Variants in SYNJ1 observed in about 807,000 individuals in gnomAD.
SYNJ1 encodes polyphosphatidylinositol phosphatase SYNJ1.
Under a neutral mutation model 168.2 loss-of-function variants are expected in SYNJ1, and 78 were observed. The observed-to-expected ratio is 0.46, with a 90% CI of 0.39 to 0.56. The LOEUF (loss-of-function observed/expected upper bound fraction) is 0.56. Among genes scored for constraint, SYNJ1 ranks in the 20% least tolerant of loss-of-function variants. The probability of loss-of-function intolerance (pLI) is 0.00; values close to 1 mark genes in which losing one functional copy is unlikely to be tolerated. For missense variants in SYNJ1, 1,303 were observed against 1,597.6 expected (o/e 0.82, Z 3.14); for synonymous variants, 539 against 548.6 (o/e 0.98, Z 0.24).
intron 22 of SYNJ1, among the ~76,000 whole-genome samples, chr21:32,650,614 C>T (rs1386163097): frequency 6.6e-6 from 1 of 152,220 alleles, no homozygotes; most frequent in Non-Finnish European, 1.5e-5. Context: ...GCTACAACCA[C>T]TATGTTTTCC....
At chr21:32,633,481 T>C (rs1187894845) in intron 32 of SYNJ1, among the ~76,000 whole-genome samples, 2 of 152,196 alleles carry the variant, frequency 1.3e-5, no homozygotes, top group Admixed American at 1.3e-4. Context: ...CTAGGGTAGA[T>C]GACTTGGACA....
At chr21:32,639,871 T>C (rs2039755106) in intron 29 of SYNJ1, 92 bp from the exon 30 acceptor site, 3 of 1,025,464 alleles carry the variant, frequency 2.9e-6, no homozygotes, top group Admixed American at 4.3e-5. Context: ...TCATTTACTT[T>C]CTTCTATGGT....
chr21:32,661,000 GC>G (rs893246140), intron 18 of SYNJ1, among the ~76,000 whole-genome samples: 2 of 152,148 alleles, frequency 1.3e-5, no homozygotes, highest in Non-Finnish European at 2.9e-5. Flanking sequence ...ATCAGTAGCA[GC>G]CCCCTTACTC....
chr21:32,688,147 C>T (rs567723202), intron 7 of SYNJ1, among the ~76,000 whole-genome samples, 159 bp downstream of exon 7: 1 of 152,082 alleles, frequency 6.6e-6, no homozygotes, highest in Admixed American at 6.6e-5. Flanking sequence ...ACTACCACCC[C>T]CAGAAGTCGT....
intron 13 of SYNJ1, 71 bp downstream of exon 13, chr21:32,676,261 T>C: frequency 7.9e-7 from 1 of 1,264,956 alleles, no homozygotes; most frequent in Non-Finnish European, 1.1e-6. Flanking sequence ...GCTTTATTTG[T>C]TTACAATATC....
intron 12 of SYNJ1, 141 bp downstream of exon 12, chr21:32,678,504 A>C (rs1490999236): frequency 7.0e-6 from 6 of 853,098 alleles, no homozygotes; most frequent in Non-Finnish European, 8.5e-6. Flanking sequence ...CCCTTGGAGA[A>C]TGTACTTTTC....
chr21:32,635,279 G>A (rs1481250686), intron 31 of SYNJ1, among the ~76,000 whole-genome samples: 1 of 152,182 alleles, frequency 6.6e-6, no homozygotes, highest in Non-Finnish European at 1.5e-5. Context: ...GGGCCACTAG[G>A]AGGTAATTAG....
chr21:32,639,597 T>A, intron 30 of SYNJ1, 74 bp downstream of exon 30: 1 of 1,212,790 alleles, frequency 8.2e-7, no homozygotes, highest in South Asian at 1.3e-5. Context: ...CGGGTCTCAC[T>A]ATGTTGCCCA....
chr21:32,700,115 C>A lies in SYNJ1; in HGVS notation c.212-10G>T. On this transcript the variant is annotated splice_polypyrimidine_tract_variant and intron_variant, in intron 3 of 32. Transcript: ENST00000674351. ...TGTAACATAGTATCACCTGCAAAAC[C>A]CAAAGATTTTACTGGATGAAAAATC... 3 of 1,581,980 alleles carry A rather than the reference C, an allele frequency of 1.9e-6. No individual in the cohort carries two copies. The highest frequency in any genetic ancestry group is 2.6e-6 in the Non-Finnish European group (3 of 1,163,136).
Position 32,645,659 on chromosome 21 carries a change from A to T in SYNJ1, c.3378T>A (p.Pro1126=), listed in dbSNP as rs376132504. 2.0e-5 allele frequency: 30 copies of T among 1,530,674 alleles called. No individual in the cohort carries two copies. Among genetic ancestry groups the T allele is most frequent in the Non-Finnish European group, 2.6e-5 (30 of 1,145,190 alleles). The allele number at this position is 1,530,674 out of a possible 1,614,324, so 94.8% of individuals were successfully genotyped here. A position where few individuals can be genotyped will look rare whatever the true frequency, so the allele number is the denominator to read the frequency against. Residue 1126 remains proline (P), a synonymous_variant, in exon 25 of 33, where the codon CCT becomes CCA. Coordinates refer to ENST00000674351, the MANE Select transcript of SYNJ1 (RefSeq NM_203446.3). ...AAAGGTTGTCACCTGAAGGCGGAGG[A>T]GGTCTCTGTGGGGGAGCCGGGCGTG... ...PPTRPAPPQR[P]PPPSGARSPA...
In SYNJ1 at chr21:32,656,852, T is replaced by C; in HGVS notation, c.2630A>G (p.Glu877Gly). 1 of 1,614,226 alleles carries C rather than the reference T, an allele frequency of 6.2e-7. No homozygotes were observed. Among genetic ancestry groups the C allele is most frequent in the South Asian group, 1.1e-5 (1 of 91,086 alleles). Residue 877 changes from glutamate (E) to glycine (G), a missense_variant, in exon 21 of 33, where the codon GAG becomes GGG. This residue lies in a region of SYNJ1 where 920 missense variants were observed against 1,208.8 expected (regional missense o/e 0.76). Transcript: ENST00000674351. ...TACTTCTTTATAAATGTTTTGCCTCTCTTCAGCTTCAACTTCAAATATATC... is the reference window on the plus strand; with the variant it reads ...TACTTCTTTATAAATGTTTTGCCTCCCTTCAGCTTCAACTTCAAATATATC... ...DIDIFEVEAE[E>G]RQNIYKEVIA...
At chr21:32,673,211 G>T in intron 14 of SYNJ1, 129 bp downstream of exon 14, 2 of 658,618 alleles carry the variant, frequency 3.0e-6, no homozygotes, top group Non-Finnish European at 4.5e-6. Context: ...AGATGTTGTT[G>T]GTCTTCAAAT....
At chr21:32,636,380 T>C (rs1466728434) in intron 31 of SYNJ1, among the ~76,000 whole-genome samples, 4 of 152,192 alleles carry the variant, frequency 2.6e-5, no homozygotes, top group Non-Finnish European at 5.9e-5. Flanking sequence ...TACAAAATTA[T>C]AAAGTCAAAG....
At position 32,720,226 on chromosome 21, in the gene SYNJ1, C is replaced by T. The variant is rs186698628; in HGVS notation, c.124+6546G>A. 6.5e-3 allele frequency among the ~76,000 whole-genome samples: 983 copies of T among 152,108 alleles called. 6 individuals are homozygous for T. The highest frequency in any genetic ancestry group is 0.011 in the Non-Finnish European group (757 of 67,982). On this transcript the variant is annotated intron_variant, in intron 2 of 32. Coordinates refer to ENST00000674351, the MANE Select transcript of SYNJ1 (RefSeq NM_203446.3). ...TGCACTCCAGCTTGGGCAACAAGAG[C>T]GAAACTCTCCCTCTCAAAAACAAAA...
At chr21:32,632,743 G>C (rs1004591108) in intron 32 of SYNJ1, among the ~76,000 whole-genome samples, 1 of 152,138 alleles carries the variant, frequency 6.6e-6, no homozygotes, top group Non-Finnish European at 1.5e-5. Flanking sequence ...TGTGAGGCTG[G>C]GCGCGGTGGC....
Position 32,638,816 on chromosome 21 carries a change from C to CAGGCAA in SYNJ1, c.3915+91_3915+92insTTGCCT, listed in dbSNP as rs1438711723. The CAGGCAA allele has an allele frequency of 5.7e-6, 7 of 1,221,276 alleles. No individual in the cohort carries two copies. The African/African-American group carries it at 9.1e-5, about 16-fold the overall frequency. The allele number at this position is 1,221,276 out of a possible 1,614,324, so 75.7% of individuals were successfully genotyped here. The stretch of plus-strand genomic sequence containing the variant: ...AAATTAAAACTCGTATTTATTTTTA[C>CAGGCAA]TTCTTATAACAGGCAATAATTAAAA... On this transcript the variant is annotated intron_variant, in intron 31 of 32. Transcript: ENST00000674351.
chr21:32,655,616 C>T (rs1238472803), intron 21 of SYNJ1, among the ~76,000 whole-genome samples: 1 of 152,044 alleles, frequency 6.6e-6, no homozygotes, highest in Non-Finnish European at 1.5e-5. Context: ...TACTAGATTA[C>T]AAGCAGGAGT....
intron 2 of SYNJ1, among the ~76,000 whole-genome samples, chr21:32,724,606 C>T (rs2043376342): frequency 6.6e-6 from 1 of 152,200 alleles, no homozygotes; most frequent in Admixed American, 6.5e-5. Context: ...ATGAAGAGAA[C>T]ACATTGATAT....
chr21:32,676,800 C>T (rs2041428580), intron 12 of SYNJ1, among the ~76,000 whole-genome samples: 1 of 152,100 alleles, frequency 6.6e-6, no homozygotes. Flanking sequence ...TCAGCTATAA[C>T]AAGAAAAATG....
Sources: gnomAD v4.1 joint callset for allele counts (sites outside exome capture counted in the v4.1 genomes callset) on GRCh38, gnomAD v4.1.1 for gene constraint, gnomAD v4.1.1 regional missense constraint, MANE v1.5 for transcripts, NCBI Gene and HGNC (gene_info 2026-07-23, HGNC 2026-07-21) for gene names.